Variants in TMC2 observed in about 807,000 individuals in gnomAD.
TMC2 encodes the protein transmembrane channel like 2.
TMC2 carries 102 observed loss-of-function variants against 105.9 expected under a neutral mutation model. That is an observed-to-expected ratio of 0.96 (90% confidence interval 0.82 to 1.14). The LOEUF is 1.14. Among genes scored for constraint, TMC2 ranks in the 50% most tolerant of loss-of-function variants. The pLI, the probability that TMC2 is intolerant of heterozygous loss-of-function variation, is 0.00. For synonymous variants in TMC2, 402 were observed against 422.8 expected (o/e 0.95, Z 0.60); for missense variants, 1,093 against 1,134.3 (o/e 0.96, Z 0.52).
At chr20:2,542,305 G>A (rs992907411) in intron 2 of TMC2, among the ~76,000 whole-genome samples, 4 of 152,170 alleles carry the variant, frequency 2.6e-5, no homozygotes, top group Admixed American at 2.0e-4. Context: ...CAAAGGAAAA[G>A]CGTTTTGGGG....
At chr20:2,572,312 C>T (rs1470827495) in intron 5 of TMC2, 43 bp downstream of exon 5, 2 of 1,509,606 alleles carry the variant, frequency 1.3e-6, no homozygotes, top group African/African-American at 1.4e-5. Context: ...AGGGCTTGCT[C>T]AGCTTTGGAA....
chr20:2,572,299 G>C (rs2122857268), intron 5 of TMC2, 30 bp downstream of exon 5: 1 of 1,555,658 alleles, frequency 6.4e-7, no homozygotes, highest in Non-Finnish European at 8.9e-7. Context: ...TGAATCTGTT[G>C]GGAGGGCTTG....
chr20:2,632,529 CCT>C (rs1018868553), intron 17 of TMC2, among the ~76,000 whole-genome samples: 6 of 152,090 alleles, frequency 3.9e-5, no homozygotes, highest in South Asian at 4.2e-4. Flanking sequence ...TACTTTTCCC[CCT>C]GTGTATGGGC....
Position 2,542,513 on chromosome 20 carries a change from G to A in TMC2, c.82+5197G>A, listed in dbSNP as rs376117524. On this transcript the variant is annotated intron_variant, in intron 2 of 19. Transcript: ENST00000358864. ...TTTTAGTCCAAAAGGGCAGAGGAGC[G>A]ACATATATCTAATTGCCTTCAGCTT... Among the ~76,000 whole-genome samples the A allele has an allele frequency of 4.6e-5, 7 of 152,230 alleles. No individual in the cohort carries two copies. The East Asian group carries it at 5.8e-4, about 13-fold the overall frequency.
intron 11 of TMC2, 102 bp from the exon 12 acceptor site, chr20:2,610,317 G>T (rs951837960): frequency 7.2e-6 from 8 of 1,112,810 alleles, no homozygotes; most frequent in South Asian, 1.6e-5. Flanking sequence ...CGCAGCAGAG[G>T]GGGCAGCAGA....
intron 14 of TMC2, among the ~76,000 whole-genome samples, chr20:2,615,838 C>T (rs564131759): frequency 5.9e-5 from 9 of 152,262 alleles, no homozygotes; most frequent in African/African-American, 2.2e-4. Flanking sequence ...CGAGGGTCTT[C>T]CCAAGAACAC....
intron 2 of TMC2, among the ~76,000 whole-genome samples, chr20:2,539,163 G>A (rs1029442831): frequency 2.6e-5 from 4 of 152,314 alleles, no homozygotes; most frequent in African/African-American, 4.8e-5. Context: ...TTAGGAGAGC[G>A]TGTGCTGGGC....
rs2146246328 is a variant in TMC2, at chr20:2,616,227, T to TGATC, written c.1940+25_1940+28dup. On this transcript the variant is annotated intron_variant, in intron 15 of 19. Coordinates refer to ENST00000358864, the MANE Select transcript of TMC2 (RefSeq NM_080751.3). This position sits in a 1 kb window ranked among gnomAD's most constrained non-coding sequence, Gnocchi z 4.8. Reference sequence around the variant, plus strand: ...CTGGTGAGTTATCCATTTCATCTGGTGATCGCCTCATCCAAGGAGTCAAAA... The same window carrying TGATC: ...CTGGTGAGTTATCCATTTCATCTGGTGATCGATCGCCTCATCCAAGGAGTCAAAA... 1 of 1,599,974 alleles carries TGATC rather than the reference T, an allele frequency of 6.3e-7. No individual in the cohort carries two copies. The highest frequency in any genetic ancestry group is 2.2e-5 in the East Asian group (1 of 44,808).
At chr20:2,569,068 TTGGGTTTATC>T (rs2086084663) in intron 4 of TMC2, among the ~76,000 whole-genome samples, 1 of 152,134 alleles carries the variant, frequency 6.6e-6, no homozygotes, top group African/African-American at 2.4e-5. Context: ...ACTCGCATGA[TTGGGTTTATC>T]TAGTGGTTGC....
At chr20:2,607,650 C>T (rs112571116) in intron 11 of TMC2, among the ~76,000 whole-genome samples, 8 of 152,356 alleles carry the variant, frequency 5.3e-5, no homozygotes, top group African/African-American at 1.9e-4. Flanking sequence ...TTTCTCTTGA[C>T]CTTCTCTCAT....
In TMC2 at chr20:2,641,661, G is replaced by C. The variant is rs1325468640; in HGVS notation, c.*310G>C. On this transcript the variant is annotated 3_prime_UTR_variant, in exon 20 of 20. Coordinates refer to ENST00000358864, the MANE Select transcript of TMC2 (RefSeq NM_080751.3). ...CTTGCCTCCCGATTTTCGGAGTTGGGGAAGGGCCATGACCACCCTCGTAGA... is the reference window on the plus strand; with the variant it reads ...CTTGCCTCCCGATTTTCGGAGTTGGCGAAGGGCCATGACCACCCTCGTAGA... 3.2e-6 allele frequency: 1 copy of C among 312,244 alleles called. No homozygotes were observed. The highest frequency in any genetic ancestry group is 6.1e-6 in the Non-Finnish European group (1 of 164,468). The allele number at this position is 312,244 out of a possible 1,614,324, so 19.3% of individuals were successfully genotyped here.
In TMC2 at chr20:2,641,231, C is replaced by T; in HGVS notation, c.2601C>T (p.Ala867=). ...CTGCCAGCAGGACCACACTGCCTGCCTCTGGACACCTTCCTATATCTCGGC... is the reference window on the plus strand; with the variant it reads ...CTGCCAGCAGGACCACACTGCCTGCTTCTGGACACCTTCCTATATCTCGGC... ...SNSASRTTLP[A]SGHLPISRPP... Residue 867 remains alanine (A), a synonymous_variant, in exon 20 of 20, where the codon GCC becomes GCT. Coordinates refer to ENST00000358864, the MANE Select transcript of TMC2 (RefSeq NM_080751.3). 1 of 1,614,198 alleles carries T rather than the reference C, an allele frequency of 6.2e-7. No homozygotes were observed. Among genetic ancestry groups the T allele is most frequent in the Admixed American group, 1.7e-5 (1 of 60,022 alleles).
chr20:2,537,066 G>A (rs1325710368), intron 1 of TMC2, among the ~76,000 whole-genome samples: 1 of 152,170 alleles, frequency 6.6e-6, no homozygotes, highest in Non-Finnish European at 1.5e-5. Flanking sequence ...CAGGGGGTGG[G>A]GGATGTTCTG....
chr20:2,552,804 C>T lies in TMC2; in HGVS notation c.83-5652C>T, dbSNP rs534709927. ...GTGCTGGGATTATAGGCATGAGCCACCGTGACCTGCCAAGTATTTCATTTT... is the reference window on the plus strand; with the variant it reads ...GTGCTGGGATTATAGGCATGAGCCATCGTGACCTGCCAAGTATTTCATTTT... On this transcript the variant is annotated intron_variant, in intron 2 of 19. Coordinates refer to ENST00000358864, the MANE Select transcript of TMC2 (RefSeq NM_080751.3). Among the ~76,000 whole-genome samples, 49 of 152,262 alleles carry T rather than the reference C, an allele frequency of 3.2e-4. 1 individual carries two copies. In the South Asian group the frequency reaches 1.0e-2, roughly 31 times the overall value.
chr20:2,588,877 T>C (rs1277615248), intron 7 of TMC2, among the ~76,000 whole-genome samples: 2 of 152,208 alleles, frequency 1.3e-5, no homozygotes, highest in Admixed American at 6.5e-5. Flanking sequence ...TTCTTAAATC[T>C]GTCCATTGAG....
At chr20:2,581,529 A>T (rs2086189942) in intron 7 of TMC2, among the ~76,000 whole-genome samples, 1 of 152,248 alleles carries the variant, frequency 6.6e-6, no homozygotes, top group Non-Finnish European at 1.5e-5. Flanking sequence ...AAATATTGTC[A>T]AAAGCTAATA....
chr20:2,566,865 G>GA (rs1384577290), intron 4 of TMC2, among the ~76,000 whole-genome samples: 2 of 152,184 alleles, frequency 1.3e-5, no homozygotes, highest in Non-Finnish European at 2.9e-5. Flanking sequence ...AATGCCCCAA[G>GA]AAAAATCTGC....
At position 2,614,792 on chromosome 20, in the gene TMC2, A is replaced by C. The variant is rs376931245; in HGVS notation, c.1873-1345A>C. ...GAGACTTTCAAACACACTGGGGGGA[A>C]AGGATTATATTAAAATATATATAAA... is the stretch of plus-strand genomic sequence containing the variant. On this transcript the variant is annotated intron_variant, in intron 14 of 19. Coordinates refer to ENST00000358864, the MANE Select transcript of TMC2 (RefSeq NM_080751.3). 8.6e-5 allele frequency among the ~76,000 whole-genome samples: 13 copies of C among 151,990 alleles called. No homozygotes were observed. The South Asian group carries it at 2.5e-3, about 29-fold the overall frequency.
chr20:2,569,123 G>A (rs1352393446), intron 4 of TMC2, among the ~76,000 whole-genome samples: 1 of 152,174 alleles, frequency 6.6e-6, no homozygotes, highest in Non-Finnish European at 1.5e-5. Context: ...GGGACAGGAG[G>A]AGGAGCCCTG....
Sources: allele counts gnomAD v4.1 joint callset (sites outside exome capture counted in the v4.1 genomes callset), GRCh38; gene constraint gnomAD v4.1.1; non-coding constraint Gnocchi (gnomAD v3.1); transcripts MANE v1.5; gene names NCBI Gene and HGNC (gene_info 2026-07-23, HGNC 2026-07-21).